The following FSIP2 variants were observed in gnomAD, a reference collection of about 807,000 sequenced individuals.
FSIP2 encodes fibrous sheath-interacting protein 2.
FSIP2 carries 367 observed loss-of-function variants against 510.5 expected under a neutral mutation model. That is an observed-to-expected ratio of 0.72 (90% confidence interval 0.66 to 0.78). The LOEUF (loss-of-function observed/expected upper bound fraction) is 0.78, where lower values mean the gene tolerates loss of function less well. Among genes scored for constraint, FSIP2 ranks in the 30% least tolerant of loss-of-function variants. The probability of loss-of-function intolerance (pLI) is 0.00; values close to 1 mark genes in which losing one functional copy is unlikely to be tolerated. For synonymous variants in FSIP2, 2,601 were observed against 2,732.2 expected, an observed-to-expected ratio of 0.95 and a Z score of 1.50; for missense variants, 7,594 against 7,901.7, an observed-to-expected ratio of 0.96 and a Z score of 1.48.
intron 9 of FSIP2, among the ~76,000 whole-genome samples, chr2:185,757,469 T>A (rs564352328): frequency 6.6e-6 from 1 of 151,502 alleles, no homozygotes; most frequent in South Asian, 2.1e-4. Context: ...CTCTCTTGTT[T>A]CAGTGAAGGG....
chr2:185,763,831 A>AT (rs974084757), intron 12 of FSIP2, among the ~76,000 whole-genome samples: 1 of 151,594 alleles, frequency 6.6e-6, no homozygotes, highest in Non-Finnish European at 1.5e-5. Flanking sequence ...AAGTGGCATC[A>AT]TTTTCCATGT....
rs1328713255 is a variant in FSIP2, at chr2:185,802,902, G to T, written c.13596G>T (p.Lys4532Asn). The T allele has an allele frequency of 6.7e-7, 1 of 1,497,866 alleles. No homozygotes were observed. The highest frequency in any genetic ancestry group is 1.3e-5 in the South Asian group (1 of 77,086). 92.8% of individuals were successfully genotyped at this position (1,497,866 alleles called of 1,614,324 possible). A position where few individuals can be genotyped will look rare whatever the true frequency, so the allele number is the denominator to read the frequency against. Residue 4532 changes from lysine (K) to asparagine (N), a missense_variant, in exon 17 of 23, where the codon AAG becomes AAT. Lys to Asn is a moderately conservative substitution (Grantham distance 94, BLOSUM62 0). Transcript: ENST00000424728. ...IRFSKEEEET[K>N]FIYSEDDIQH... Reference sequence around the variant, plus strand: ...TTTCAAAAGAGGAAGAAGAAACCAAGTTTATTTATTCAGAAGATGATATTC... The same window carrying T: ...TTTCAAAAGAGGAAGAAGAAACCAATTTTATTTATTCAGAAGATGATATTC...
At chr2:185,787,121 T>A (rs1028082859) in intron 15 of FSIP2, among the ~76,000 whole-genome samples, 1 of 151,828 alleles carries the variant, frequency 6.6e-6, no homozygotes, top group Non-Finnish European at 1.5e-5. Flanking sequence ...TAGTTTATAA[T>A]TTATATGTGT....
At chr2:185,814,468 G>C (rs1693795825) in intron 18 of FSIP2, among the ~76,000 whole-genome samples, 1 of 152,042 alleles carries the variant, frequency 6.6e-6, no homozygotes, top group Admixed American at 6.6e-5. Context: ...GTTTGGGTTT[G>C]AATCCTAACT....
rs1693242946 is a variant in FSIP2, at chr2:185,795,383, A to T, written c.8247A>T (p.Thr2749=). Residue 2749 remains threonine, a synonymous_variant, in exon 16 of 23, where the codon ACA becomes ACT. Transcript: ENST00000424728. ...AKDIIINILE[T]IVKEFGKVKQ... The stretch of plus-strand genomic sequence containing the variant: ...ATATAATAATTAACATCCTAGAAAC[A>T]ATTGTGAAGGAATTTGGAAAGGTAA... 6.5e-7 allele frequency: 1 copy of T among 1,534,974 alleles called. No homozygotes were observed. The highest frequency in any genetic ancestry group is 2.0e-5 in the Admixed American group (1 of 50,900).
rs1693654360 is a variant in FSIP2, at chr2:185,808,708, G to C, written c.19402G>C (p.Asp6468His). ...IIDGVSSFPL[D>H]TINSTISNAD... ...TGATGGAGTTTCAAGTTTTCCATTA[G>C]ATACAATTAACTCAACAATTTCAAA... Residue 6468 changes from aspartate to histidine, a missense_variant, in exon 17 of 23, where the codon GAT becomes CAT. Asp to His is a moderately conservative substitution (Grantham distance 81). Coordinates refer to ENST00000424728, the MANE Select transcript of FSIP2 (RefSeq NM_173651.4). 6.2e-7 allele frequency: 1 copy of C among 1,611,720 alleles called. No individual in the cohort carries two copies. Among genetic ancestry groups the C allele is most frequent in the Non-Finnish European group, 8.5e-7 (1 of 1,178,772 alleles).
chr2:185,792,730 G>T lies in FSIP2; in HGVS notation c.5594G>T (p.Arg1865Met). Residue 1865 changes from arginine (R) to methionine (M), a missense_variant, in exon 16 of 23, where the codon AGG becomes ATG. Arg to Met is a moderately conservative substitution (Grantham distance 91). Coordinates refer to ENST00000424728, the MANE Select transcript of FSIP2 (RefSeq NM_173651.4). ...YSAAMTERNV[R>M]ENRYKTITFS... is the part of the protein sequence containing the mutation. ...GCTGCCATGACAGAAAGAAATGTAA[G>T]GGAAAATAGGTATAAAACTATCACT... 6.5e-7 allele frequency: 1 copy of T among 1,533,964 alleles called. No individual in the cohort carries two copies. Among genetic ancestry groups the T allele is most frequent in the Non-Finnish European group, 8.7e-7 (1 of 1,145,548 alleles).
At chr2:185,797,659 C>G (rs970278060) in intron 16 of FSIP2, 133 bp downstream of exon 16, 1 of 811,214 alleles carries the variant, frequency 1.2e-6, no homozygotes, top group African/African-American at 1.7e-5. Context: ...AGGTAGATGA[C>G]TACTGAGTTG....
chr2:185,801,629 T>TA lies in FSIP2; in HGVS notation c.12323_12324insA (p.Lys4109GlnfsTer3). 6.5e-7 allele frequency: 1 copy of TA among 1,530,510 alleles called. No individual in the cohort carries two copies. The highest frequency in any genetic ancestry group is 8.7e-7 in the Non-Finnish European group (1 of 1,144,390). 94.8% of individuals were successfully genotyped at this position (1,530,510 alleles called of 1,614,324 possible). On this transcript the variant is annotated frameshift_variant, in exon 17 of 23. Transcript: ENST00000424728. LOFTEE classifies it high-confidence loss of function. ...CTCATACCCCATTCATATTACCCTC[T>TA]CAAACCTGAAATTATATTGCAAAAG...
At chr2:185,751,085 G>A (rs899424284) in intron 7 of FSIP2, among the ~76,000 whole-genome samples, 6 of 151,408 alleles carry the variant, frequency 4.0e-5, no homozygotes, top group African/African-American at 1.5e-4. Context: ...TTTTATAACT[G>A]TTCTCTAGAT....
rs1324197639 is a variant in FSIP2 at position 185,804,457 on chromosome 2, A to G, written c.15151A>G (p.Ile5051Val). ...ACATAGGGTTATACAAAGTGACACA[A>G]TATGTTTTGGTAGGAAAATATATTA... ...QIHRVIQSDTICFGRKIYYLL... is the reference protein window; with the variant it reads ...QIHRVIQSDTVCFGRKIYYLL... The change falls in exon 17 of 23, where the codon ATA becomes GTA. Residue 5051 changes from isoleucine to valine, a missense_variant. Ile to Val is a conservative substitution (Grantham distance 29). Transcript: ENST00000424728. The G allele has an allele frequency of 6.6e-7, 1 of 1,517,686 alleles. No homozygotes were observed. Among genetic ancestry groups the G allele is most frequent in the Admixed American group, 2.0e-5 (1 of 49,080 alleles). 94.0% of individuals were successfully genotyped at this position (1,517,686 alleles called of 1,614,324 possible). A position where few individuals can be genotyped will look rare whatever the true frequency, so the allele number is the denominator to read the frequency against.
intron 18 of FSIP2, 94 bp from the exon 19 acceptor site, chr2:185,815,274 TCCA>T: frequency 1.6e-6 from 1 of 638,638 alleles, no homozygotes. Context: ...GGAACTTTTT[TCCA>T]TTAAAATGTA....
chr2:185,761,074 G>C lies in FSIP2; in HGVS notation c.1165G>C (p.Asp389His), dbSNP rs1248081600. ...CTCAGCTTCTGTTGTTTATCAGGCA[G>C]ATGTACAGGATAATGGTATAAATCA... Reference protein sequence around the residue: ...KNSASVVYQADVQDNGINQKR... With the variant: ...KNSASVVYQAHVQDNGINQKR... Residue 389 changes from aspartate (D) to histidine (H), a missense_variant, in exon 10 of 23, where the codon GAT (aspartate) becomes CAT (histidine). Transcript: ENST00000424728. 6.9e-7 allele frequency: 1 copy of C among 1,442,244 alleles called. No individual in the cohort carries two copies. The highest frequency in any genetic ancestry group is 2.5e-5 in the East Asian group (1 of 40,116). 89.3% of individuals were successfully genotyped at this position (1,442,244 alleles called of 1,614,324 possible).
chr2:185,759,804 A>G (rs1220377492), intron 9 of FSIP2, among the ~76,000 whole-genome samples: 1 of 150,484 alleles, frequency 6.6e-6, no homozygotes, highest in African/African-American at 2.4e-5. Context: ...TGAGATAGAA[A>G]ATGTTCACTC....
chr2:185,790,992 T>G lies in FSIP2; in HGVS notation c.3856T>G (p.Ser1286Ala), dbSNP rs1377787951. Residue 1286 changes from serine (S) to alanine (A), a missense_variant, in exon 16 of 23, where the codon TCA becomes GCA. Transcript: ENST00000424728. ...CPKLHMGFKSSLRSQLSKYTA... is the reference protein window; with the variant it reads ...CPKLHMGFKSALRSQLSKYTA... ...AAAATTGCATATGGGCTTCAAATCT[T>G]CATTACGATCTCAACTTAGTAAGTA... 9.8e-6 allele frequency: 15 copies of G among 1,528,750 alleles called. No individual in the cohort carries two copies. The highest frequency in any genetic ancestry group is 1.1e-5 in the Non-Finnish European group (13 of 1,143,200). 94.7% of individuals were successfully genotyped at this position (1,528,750 alleles called of 1,614,324 possible).
Position 185,813,440 on chromosome 2 carries a change from T to G in FSIP2, c.19828-105T>G, listed in dbSNP as rs1693774344. The G allele has an allele frequency of 9.9e-6, 6 of 605,718 alleles. No homozygotes were observed. The East Asian group carries it at 1.9e-4, about 20-fold the overall frequency. The allele number at this position is 605,718 out of a possible 1,614,324, so 37.5% of individuals were successfully genotyped here. On this transcript the variant is annotated intron_variant, in intron 17 of 22. Transcript: ENST00000424728. ...ATTAAGTGATATTTGAAGATATTAC[T>G]TAAATCAAAACTAGAAATTATAAGA...
intron 21 of FSIP2, among the ~76,000 whole-genome samples, chr2:185,829,531 G>A (rs17827241): frequency 0.19 from 28,817 of 151,932 alleles, 3,473 homozygotes; most frequent in Non-Finnish European, 0.27. Context: ...TTTTCTGACC[G>A]GTTAGGAGAT....
In FSIP2 at chr2:185,805,621, CTTTCT is replaced by C. The variant is rs767737200; in HGVS notation, c.16318_16322del (p.Ser5440ThrfsTer6). ...AAGCAGATGTGCAAAAGAGAACCAA[CTTTCT>C]TTACCAGATCAATCATATAAAGATA... On this transcript the variant is annotated frameshift_variant, in exon 17 of 23. Transcript: ENST00000424728. LOFTEE classifies it high-confidence loss of function. The C allele has an allele frequency of 3.7e-6, 6 of 1,608,806 alleles. No individual in the cohort carries two copies. The highest frequency in any genetic ancestry group is 5.1e-6 in the Non-Finnish European group (6 of 1,177,872).
At chr2:185,820,463 CCTAT>C (rs3057681) in intron 19 of FSIP2, among the ~76,000 whole-genome samples, 81,620 of 150,304 alleles carry the variant, frequency 0.54, 22,368 homozygotes, top group South Asian at 0.64. Flanking sequence ...ATTTATTTAA[CCTAT>C]CTATCTATAA....
Sources: gnomAD v4.1 joint callset for allele counts (sites outside exome capture counted in the v4.1 genomes callset) on GRCh38, gnomAD v4.1.1 for gene constraint, MANE v1.5 for transcripts, NCBI Gene and HGNC (gene_info 2026-07-23, HGNC 2026-07-21) for gene names.